UNC13C: variants seen among roughly 807,000 people sequenced by gnomAD.
UNC13C encodes unc-13 homolog C.
In UNC13C, 174 loss-of-function variants were observed where a neutral mutation model predicts 245.4. The ratio of observed to expected loss-of-function variants is 0.71; its 90% CI spans 0.63 to 0.80. The LOEUF (loss-of-function observed/expected upper bound fraction) is 0.80, where lower values mean the gene tolerates loss of function less well. UNC13C is among the 30% of genes least tolerant of loss of function. UNC13C has a pLI of 0.00. For synonymous variants in UNC13C, 992 were observed against 895.1 expected, an observed-to-expected ratio of 1.11 and a Z score of -1.93; for missense variants, 2,829 against 2,602.9, an observed-to-expected ratio of 1.09 and a Z score of -1.89.
chr15:53,908,418 A>G, the UNC13C span, among the ~76,000 whole-genome samples: 1 of 146,396 alleles, frequency 6.8e-6, no homozygotes, highest in African/African-American at 2.4e-5. Context: ...TGAAATGGTC[A>G]GGCTAGCAGG....
chr15:54,609,986 A>T (rs1899989897), intron 30 of UNC13C, among the ~76,000 whole-genome samples: 1 of 152,130 alleles, frequency 6.6e-6, no homozygotes, highest in Admixed American at 6.5e-5. Flanking sequence ...GCATGGGGGA[A>T]GTGCCCCATG....
At chr15:53,990,790 A>T (rs1389109388) in intron 1 of UNC13C, among the ~76,000 whole-genome samples, 1 of 151,948 alleles carries the variant, frequency 6.6e-6, no homozygotes, top group Non-Finnish European at 1.5e-5. Flanking sequence ...CTATCATGTA[A>T]TTTCAGCCCT....
chr15:54,150,431 C>G (rs1188059738), intron 4 of UNC13C, among the ~76,000 whole-genome samples: 3 of 152,202 alleles, frequency 2.0e-5, no homozygotes, highest in Non-Finnish European at 4.4e-5. Context: ...AGCACACTGT[C>G]TGCAGTCCTC....
At chr15:54,473,089 C>T (rs1002325489) in intron 19 of UNC13C, among the ~76,000 whole-genome samples, 2 of 151,780 alleles carry the variant, frequency 1.3e-5, no homozygotes, top group African/African-American at 4.8e-5. Flanking sequence ...ATGCTCAGCT[C>T]CCACTAAAAG....
chr15:54,326,475 G>A (rs1375289986), intron 14 of UNC13C, among the ~76,000 whole-genome samples: 5 of 152,046 alleles, frequency 3.3e-5, no homozygotes, highest in African/African-American at 1.2e-4. Flanking sequence ...AGATAAAGCT[G>A]ATGGTTGGAT....
intron 13 of UNC13C, among the ~76,000 whole-genome samples, 168 bp from the exon 14 acceptor site, chr15:54,321,771 G>A (rs2038166424): frequency 6.6e-6 from 1 of 151,956 alleles, no homozygotes. Flanking sequence ...TTGTGAATGG[G>A]AAATTTTCAG....
At chr15:54,099,366 C>A (rs1900045864) in intron 2 of UNC13C, among the ~76,000 whole-genome samples, 1 of 152,094 alleles carries the variant, frequency 6.6e-6, no homozygotes, top group Non-Finnish European at 1.5e-5. Context: ...TATTACTGAA[C>A]TTTGCTTGGG....
At chr15:54,474,420 G>T (rs1018012976) in intron 19 of UNC13C, among the ~76,000 whole-genome samples, 2 of 151,904 alleles carry the variant, frequency 1.3e-5, no homozygotes, top group Non-Finnish European at 1.5e-5. Flanking sequence ...TTGCCTTGAT[G>T]ATTAGTGATG....
intron 2 of UNC13C, among the ~76,000 whole-genome samples, chr15:54,034,048 C>A (rs971790556): frequency 6.6e-6 from 1 of 152,220 alleles, no homozygotes; most frequent in African/African-American, 2.4e-5. Flanking sequence ...CCAATCCATT[C>A]TGCGAGCTTT....
intron 2 of UNC13C, among the ~76,000 whole-genome samples, chr15:54,092,231 G>T (rs764157483): frequency 7.2e-5 from 11 of 152,090 alleles, no homozygotes; most frequent in Non-Finnish European, 1.2e-4. Context: ...AAATGACAAG[G>T]TATAGCATTA....
intron 4 of UNC13C, among the ~76,000 whole-genome samples, chr15:54,186,460 G>A: frequency 6.6e-6 from 1 of 152,014 alleles, no homozygotes; most frequent in East Asian, 1.9e-4. Flanking sequence ...CAAAATAACT[G>A]TATGTAATCA....
At chr15:54,310,981 A>G (rs1041529308) in intron 13 of UNC13C, among the ~76,000 whole-genome samples, 1 of 151,632 alleles carries the variant, frequency 6.6e-6, no homozygotes, top group African/African-American at 2.4e-5. Context: ...TTGCCTAATC[A>G]TTTACTATTT....
Position 54,627,036 on chromosome 15 carries a change from CAGAGGACCAGT to C in UNC13C, c.6569_6579del (p.Gln2190ArgfsTer2). On this transcript the variant is annotated frameshift_variant, in exon 33 of 33. Transcript: ENST00000260323. LOFTEE classifies it high-confidence loss of function. The stretch of plus-strand genomic sequence containing the variant: ...TTTGACTATCCTTAGAATACTCTCT[CAGAGGACCAGT>C]GATGATGTGGCTAAAGAATTTGTAA... The C allele has an allele frequency of 6.2e-7, 1 of 1,613,304 alleles. No homozygotes were observed. The highest frequency in any genetic ancestry group is 8.5e-7 in the Non-Finnish European group (1 of 1,179,522).
intron 18 of UNC13C, among the ~76,000 whole-genome samples, chr15:54,400,478 C>A (rs926877752): frequency 3.3e-5 from 5 of 152,070 alleles, no homozygotes; most frequent in Non-Finnish European, 7.4e-5. Context: ...TGCTATTTAA[C>A]TTGTTCCTTC....
chr15:54,205,485 T>C (rs532209177), intron 4 of UNC13C, among the ~76,000 whole-genome samples: 5 of 152,114 alleles, frequency 3.3e-5, no homozygotes, highest in African/African-American at 7.2e-5. Flanking sequence ...ATACTTTTTG[T>C]ATAACTCTTA....
chr15:54,585,129 T>C (rs527829781), intron 30 of UNC13C, among the ~76,000 whole-genome samples: 6 of 152,272 alleles, frequency 3.9e-5, no homozygotes, highest in East Asian at 1.9e-4. Flanking sequence ...GATGGTGATA[T>C]AGTTTGAACG....
intron 13 of UNC13C, among the ~76,000 whole-genome samples, chr15:54,312,185 G>A (rs1300431923): frequency 6.6e-6 from 1 of 151,602 alleles, no homozygotes; most frequent in Non-Finnish European, 1.5e-5. Context: ...GTGTTTTCAT[G>A]TAGACATATA....
chr15:54,320,158 G>A, intron 13 of UNC13C, among the ~76,000 whole-genome samples: 1 of 151,984 alleles, frequency 6.6e-6, no homozygotes, highest in East Asian at 1.9e-4. Context: ...TATATTGAGA[G>A]GAGGGTGTCT....
chr15:54,550,357 T>A (rs1250637236), intron 28 of UNC13C, among the ~76,000 whole-genome samples: 2 of 151,836 alleles, frequency 1.3e-5, no homozygotes, highest in African/African-American at 4.9e-5. Flanking sequence ...AAAAAAAGAA[T>A]AATATCAGTT....
Sources: gnomAD v4.1 joint callset for allele counts (sites outside exome capture counted in the v4.1 genomes callset) on GRCh38, gnomAD v4.1.1 for gene constraint, MANE v1.5 for transcripts, NCBI Gene and HGNC (gene_info 2026-07-23, HGNC 2026-07-21) for gene names.